The following PXDN variants were observed in gnomAD, a reference collection of about 807,000 sequenced individuals.
PXDN encodes the protein peroxidasin homolog.
In PXDN, 77 loss-of-function variants were observed where a neutral mutation model predicts 140.3. The observed-to-expected ratio is 0.55, with a 90% CI of 0.46 to 0.66. The LOEUF (loss-of-function observed/expected upper bound fraction) is 0.66. Among genes scored for constraint, PXDN ranks in the 30% least tolerant of loss-of-function variants. The pLI is 0.00. For missense variants in PXDN, 1,838 were observed against 2,039.5 expected (o/e 0.90, Z 1.90); for synonymous variants, 911 against 857.4 (o/e 1.06, Z -1.09).
chr2:1,664,922 C>T (rs542259278), intron 11 of PXDN, 36 bp downstream of exon 11: 16 of 1,501,238 alleles, frequency 1.1e-5, no homozygotes, highest in Admixed American at 8.9e-5. Flanking sequence ...TCTGTGGCCG[C>T]GGAGGGAGCA....
rs536727583 is a variant in PXDN, at chr2:1,635,581, G to A, written c.4207-60C>T. On this transcript the variant is annotated intron_variant, in intron 21 of 22. Transcript: ENST00000252804. ...ACTTCAGAGTAACAGCTTGGCTCTT[G>A]TATTAAAAGATGTTATTTCACTGAA... 10 of 1,203,768 alleles carry A rather than the reference G, an allele frequency of 8.3e-6. No individual in the cohort carries two copies. The South Asian group carries it at 1.3e-4, about 16-fold the overall frequency. 74.6% of individuals were successfully genotyped at this position (1,203,768 alleles called of 1,614,324 possible).
At chr2:1,683,080 C>T (rs190482954) in intron 6 of PXDN, among the ~76,000 whole-genome samples, 201 of 151,904 alleles carry the variant, frequency 1.3e-3, no homozygotes, top group Non-Finnish European at 2.3e-3. Flanking sequence ...AATTTAAAGA[C>T]GATTTAAATC....
At chr2:1,647,014 C>T (rs1318526698) in intron 17 of PXDN, among the ~76,000 whole-genome samples, 3 of 152,156 alleles carry the variant, frequency 2.0e-5, no homozygotes, top group Non-Finnish European at 4.4e-5. Context: ...TCCTGCTCAG[C>T]CTCCCGAGTA....
chr2:1,730,943 G>A (rs573118032), intron 1 of PXDN, among the ~76,000 whole-genome samples: 4 of 152,308 alleles, frequency 2.6e-5, no homozygotes, highest in African/African-American at 9.6e-5. Context: ...CTTCCTGTGA[G>A]AAGAGGAGGG....
At chr2:1,722,847 C>T (rs545532572) in intron 1 of PXDN, among the ~76,000 whole-genome samples, 1 of 152,372 alleles carries the variant, frequency 6.6e-6, no homozygotes, top group East Asian at 1.9e-4. Context: ...CCTTCTGGAC[C>T]ACAAGCACCT....
At position 1,687,843 on chromosome 2, in the gene PXDN, T is replaced by TACTCACCGTGCA; in HGVS notation, c.345-141_345-140insTGCACGGTGAGT. 3.2e-6 allele frequency: 2 copies of TACTCACCGTGCA among 620,344 alleles called. No individual in the cohort carries two copies. Among genetic ancestry groups the TACTCACCGTGCA allele is most frequent in the Non-Finnish European group, 5.5e-6 (2 of 364,586 alleles). The allele number at this position is 620,344 out of a possible 1,614,324, so 38.4% of individuals were successfully genotyped here. A position where few individuals can be genotyped will look rare whatever the true frequency, so the allele number is the denominator to read the frequency against. ...GAATGCAAACAAACCATCTGCACGG[T>TACTCACCGTGCA]GAGTACAGTGCCTCTCCCAAGGGCT... On this transcript the variant is annotated intron_variant, in intron 3 of 22. Transcript: ENST00000252804. The surrounding 1 kb of genome is among the most constrained non-coding windows in gnomAD (Gnocchi z 4.0).
rs765551510 is a variant in PXDN at position 1,666,299 on chromosome 2, G to A, written c.1206C>T (p.Val402=). The A allele has an allele frequency of 1.4e-5, 23 of 1,613,922 alleles. No homozygotes were observed. The Admixed American group carries it at 2.8e-4, about 20-fold the overall frequency. Residue 402 remains valine (V), a synonymous_variant, in exon 10 of 23, where the codon GTC becomes GTT. Coordinates refer to ENST00000252804, the MANE Select transcript of PXDN (RefSeq NM_012293.3). The part of the protein sequence containing the change: ...TPSGGLYIQN[V]VQGDSGEYAC... ...CATACTCTCCGCTGTCCCCCTGTACGACGTTCTGTATGTAAAGCCCGCCAG... is the reference window on the plus strand; with the variant it reads ...CATACTCTCCGCTGTCCCCCTGTACAACGTTCTGTATGTAAAGCCCGCCAG...
chr2:1,644,480 C>T (rs1041610179), intron 18 of PXDN, 138 bp downstream of exon 18: 50 of 1,049,826 alleles, frequency 4.8e-5, no homozygotes, highest in Non-Finnish European at 5.9e-5. Flanking sequence ...CAGTGCCTTC[C>T]TCATTCTCAA....
intron 7 of PXDN, among the ~76,000 whole-genome samples, chr2:1,678,466 T>A (rs1683784423): frequency 6.6e-6 from 1 of 152,104 alleles, no homozygotes; most frequent in African/African-American, 2.4e-5. Flanking sequence ...GATAAAGCTA[T>A]TATAAAAAAC....
Position 1,653,753 on chromosome 2 carries a change from A to G in PXDN, c.1979T>C (p.Leu660Ser). ...GTAAGGATCCCTCGGATACCGGAAC[A>G]AGGCCAGCAAATCATTTGGAGAACG... ...RPRSPNDLLA[L>S]FRYPRDPYTV... The change falls in exon 16 of 23, where the codon TTG becomes TCG. Residue 660 changes from leucine to serine, a missense_variant. Physicochemically the swap from Leu to Ser is moderately radical, Grantham distance 145. Coordinates refer to ENST00000252804, the MANE Select transcript of PXDN (RefSeq NM_012293.3). The G allele has an allele frequency of 6.3e-7, 1 of 1,587,880 alleles. No individual in the cohort carries two copies. Among genetic ancestry groups the G allele is most frequent in the Non-Finnish European group, 8.6e-7 (1 of 1,166,116 alleles).
chr2:1,690,173 G>A (rs1245442279), intron 3 of PXDN, among the ~76,000 whole-genome samples: 1 of 152,172 alleles, frequency 6.6e-6, no homozygotes, highest in African/African-American at 2.4e-5. Flanking sequence ...TGGGTGAAAG[G>A]GTCCCCGGGC....
intron 1 of PXDN, among the ~76,000 whole-genome samples, chr2:1,743,683 G>GAGATC (rs1558536363): frequency 3.3e-5 from 1 of 30,534 alleles, no homozygotes. Flanking sequence ...GGAGGAGGAA[G>GAGATC]GGGAGGAGGA....
Position 1,660,820 on chromosome 2 carries a change from G to A in PXDN, c.1837+61C>T. ...AGTCAACTGGCCTGGGACCACACTA[G>A]GGACCTGCGGGCTTTCTTTGTGGAT... is the stretch of plus-strand genomic sequence containing the variant. On this transcript the variant is annotated intron_variant, in intron 14 of 22. Transcript: ENST00000252804. This position sits in a 1 kb window ranked among gnomAD's most constrained non-coding sequence, Gnocchi z 4.6. 1 of 1,556,860 alleles carries A rather than the reference G, an allele frequency of 6.4e-7. No homozygotes were observed. The highest frequency in any genetic ancestry group is 8.7e-7 in the Non-Finnish European group (1 of 1,148,538).
intron 14 of PXDN, among the ~76,000 whole-genome samples, chr2:1,655,361 A>G (rs966739047): frequency 7.3e-5 from 11 of 150,936 alleles, no homozygotes; most frequent in Non-Finnish European, 8.9e-5. Flanking sequence ...CATATAGTAC[A>G]TTATACACAC....
chr2:1,720,002 G>GGGA (rs1358344246), intron 1 of PXDN, among the ~76,000 whole-genome samples: 1 of 49,592 alleles, frequency 2.0e-5, no homozygotes. Context: ...GAGAGAGGGA[G>GGGA]GGGAGGGATG....
At position 1,673,056 on chromosome 2, in the gene PXDN, T is replaced by C. The variant is rs17841812; in HGVS notation, c.1018+587A>G. Among the ~76,000 whole-genome samples the C allele has an allele frequency of 7.1e-3, 1,086 of 152,310 alleles. 9 individuals are homozygous for C. Among genetic ancestry groups the C allele is most frequent in the African/African-American group, 0.023 (966 of 41,566 alleles). On this transcript the variant is annotated intron_variant, in intron 9 of 22. Transcript: ENST00000252804. ...TTCTTCAAGGGCCCAGCTCCTCTTC[T>C]GAGCAATGGCCATGGATAACACAGG...
At chr2:1,679,849 A>ATGTG (rs1280012690) in intron 7 of PXDN, among the ~76,000 whole-genome samples, 1 of 105,024 alleles carries the variant, frequency 9.5e-6, no homozygotes, top group South Asian at 3.3e-4. Context: ...GTGTGTGTGT[A>ATGTG]TGTGCGTGTG....
chr2:1,635,473 C>G lies in PXDN; in HGVS notation c.4255G>C (p.Gly1419Arg). The G allele has an allele frequency of 6.2e-7, 1 of 1,601,496 alleles. No homozygotes were observed. Among genetic ancestry groups the G allele is most frequent in the Non-Finnish European group, 8.5e-7 (1 of 1,173,446 alleles). The change falls in exon 22 of 23, where the codon GGG becomes CGG. Residue 1419 changes from glycine to arginine, a missense_variant. By Grantham distance (125) the Gly-to-Arg change is moderately radical (BLOSUM62 -2). Coordinates refer to ENST00000252804, the MANE Select transcript of PXDN (RefSeq NM_012293.3). Reference sequence around the variant, plus strand: ...GTGTTGTTGGCGTGAGATTCGCCCCCGGCATCCACGCACTCTGTGGTACTG... The same window carrying G: ...GTGTTGTTGGCGTGAGATTCGCCCCGGGCATCCACGCACTCTGTGGTACTG... ...RLSTTECVDA[G>R]GESHANNTKW... is the part of the protein sequence containing the mutation.
At chr2:1,657,327 AG>A (rs1391911524) in intron 14 of PXDN, among the ~76,000 whole-genome samples, 5 of 127,560 alleles carry the variant, frequency 3.9e-5, no homozygotes, top group African/African-American at 1.2e-4. Context: ...GACAGAAACC[AG>A]CCCCAACCTG....
Sources: gnomAD v4.1 joint callset for allele counts (sites outside exome capture counted in the v4.1 genomes callset) on GRCh38, gnomAD v4.1.1 for gene constraint, Gnocchi (gnomAD v3.1) non-coding constraint, MANE v1.5 for transcripts, NCBI Gene and HGNC (gene_info 2026-07-23, HGNC 2026-07-21) for gene names.